CSMD3: variants seen among roughly 807,000 people sequenced by gnomAD.
CSMD3 encodes the protein CUB and sushi domain-containing protein 3.
A neutral mutation model predicts 435.2 loss-of-function variants in CSMD3; 177 were observed. That is an observed-to-expected ratio of 0.41 (90% CI 0.36 to 0.46). The LOEUF (loss-of-function observed/expected upper bound fraction) is 0.46, where lower values mean the gene tolerates loss of function less well. Among genes scored for constraint, CSMD3 ranks in the 20% least tolerant of loss-of-function variants. The pLI is 0.34. For missense variants in CSMD3, 4,265 were observed against 4,504.6 expected (o/e 0.95, Z 1.52); for synonymous variants, 1,656 against 1,520.5 (o/e 1.09, Z -2.07).
chr8:112,379,506 G>C (rs771053585), intron 38 of CSMD3, among the ~76,000 whole-genome samples: 1 of 151,946 alleles, frequency 6.6e-6, no homozygotes, highest in Non-Finnish European at 1.5e-5. Context: ...CTACTAAATA[G>C]TGACGAGAAA....
chr8:112,690,174 C>A (rs1343516935), intron 13 of CSMD3, 124 bp from the exon 14 acceptor site: 4 of 731,978 alleles, frequency 5.5e-6, no homozygotes, highest in East Asian at 2.6e-5. Flanking sequence ...TAAATATATT[C>A]TCCAATCTTT....
chr8:113,408,925 C>A (rs964846447), intron 1 of CSMD3, among the ~76,000 whole-genome samples: 1 of 151,924 alleles, frequency 6.6e-6, no homozygotes, highest in African/African-American at 2.4e-5. Flanking sequence ...TTTGATCTCC[C>A]AAAGTGCTCC....
At chr8:112,898,762 A>G (rs1345472173) in intron 10 of CSMD3, among the ~76,000 whole-genome samples, 5 of 151,238 alleles carry the variant, frequency 3.3e-5, no homozygotes, top group African/African-American at 7.3e-5. Context: ...AAATCACAGT[A>G]TGTTTTATCT....
intron 58 of CSMD3, among the ~76,000 whole-genome samples, chr8:112,285,675 A>G (rs898489288): frequency 1.3e-5 from 2 of 152,032 alleles, no homozygotes; most frequent in African/African-American, 4.8e-5. Flanking sequence ...TTCTAGCAAC[A>G]TTTTATTTAC....
intron 10 of CSMD3, among the ~76,000 whole-genome samples, chr8:112,883,728 G>A (rs1053870646): frequency 1.6e-4 from 24 of 151,822 alleles, no homozygotes; most frequent in South Asian, 1.0e-3. Context: ...TTGGATTTTC[G>A]TCAGTTTTAT....
chr8:112,425,543 G>A (rs897116425), intron 32 of CSMD3, among the ~76,000 whole-genome samples: 3 of 152,052 alleles, frequency 2.0e-5, no homozygotes, highest in Non-Finnish European at 4.4e-5. Flanking sequence ...CATATTTTGA[G>A]GATGAGGAAA....
At chr8:112,881,310 T>C (rs567430300) in intron 10 of CSMD3, among the ~76,000 whole-genome samples, 60 of 152,188 alleles carry the variant, frequency 3.9e-4, no homozygotes, top group African/African-American at 1.3e-3. Flanking sequence ...CTGTTTTTTA[T>C]TTTTAAACGA....
At chr8:112,432,134 C>A (rs967451571) in intron 32 of CSMD3, among the ~76,000 whole-genome samples, 7 of 151,930 alleles carry the variant, frequency 4.6e-5, no homozygotes, top group African/African-American at 4.8e-5. Context: ...AAAGCAACAA[C>A]CCAAAGCAAG....
intron 13 of CSMD3, among the ~76,000 whole-genome samples, chr8:112,751,772 C>G (rs772482003): frequency 2.5e-4 from 38 of 151,904 alleles, no homozygotes; most frequent in Non-Finnish European, 4.7e-4. Flanking sequence ...TTCCCTTTCT[C>G]TACCTACCAA....
At chr8:112,641,956 G>A (rs1028016148) in intron 20 of CSMD3, among the ~76,000 whole-genome samples, 1 of 152,146 alleles carries the variant, frequency 6.6e-6, no homozygotes, top group East Asian at 1.9e-4. Context: ...TTGGAAAGAA[G>A]GGGATTAGAC....
chr8:113,169,432 C>T (rs75823883), intron 4 of CSMD3, among the ~76,000 whole-genome samples: 3 of 152,126 alleles, frequency 2.0e-5, no homozygotes, highest in Admixed American at 1.3e-4. Context: ...TATAGCATCA[C>T]ATCCCCTTAT....
At chr8:112,732,575 A>T (rs2077097227) in intron 13 of CSMD3, among the ~76,000 whole-genome samples, 1 of 151,774 alleles carries the variant, frequency 6.6e-6, no homozygotes, top group African/African-American at 2.4e-5. Flanking sequence ...TACTAAAAAT[A>T]CAAAATATTA....
intron 3 of CSMD3, among the ~76,000 whole-genome samples, chr8:113,203,392 G>C (rs1010428392): frequency 6.6e-6 from 1 of 151,756 alleles, no homozygotes; most frequent in African/African-American, 2.4e-5. Flanking sequence ...CCTCCACCAT[G>C]GACCTCTTGG....
At chr8:112,534,611 A>G (rs1415140081) in intron 27 of CSMD3, among the ~76,000 whole-genome samples, 2 of 152,120 alleles carry the variant, frequency 1.3e-5, no homozygotes, top group Admixed American at 1.3e-4. Context: ...ACAAGGAGGA[A>G]TTGGTACCAT....
intron 13 of CSMD3, among the ~76,000 whole-genome samples, chr8:112,782,498 A>G (rs1372735744): frequency 6.6e-6 from 1 of 152,120 alleles, no homozygotes; most frequent in Non-Finnish European, 1.5e-5. Flanking sequence ...AAGAGGAGGT[A>G]GAGAGAAAGA....
At chr8:113,295,394 A>G (rs1188385596) in intron 2 of CSMD3, among the ~76,000 whole-genome samples, 1 of 152,192 alleles carries the variant, frequency 6.6e-6, no homozygotes, top group Non-Finnish European at 1.5e-5. Flanking sequence ...TATAATATGA[A>G]GGTGAAGAAA....
chr8:112,695,358 C>A (rs1321386824), intron 13 of CSMD3, among the ~76,000 whole-genome samples: 1 of 152,040 alleles, frequency 6.6e-6, no homozygotes, highest in Non-Finnish European at 1.5e-5. Flanking sequence ...ATATTATTTT[C>A]TTTCTCCTTT....
chr8:112,292,443 T>G (rs1819857600), intron 55 of CSMD3, 94 bp downstream of exon 55: 1 of 1,291,008 alleles, frequency 7.7e-7, no homozygotes, highest in Non-Finnish European at 1.1e-6. Flanking sequence ...TAAAAACTTT[T>G]TACTATTCTG....
chr8:112,608,319 C>T (rs1363723227), intron 22 of CSMD3, among the ~76,000 whole-genome samples: 2 of 151,882 alleles, frequency 1.3e-5, no homozygotes, highest in Non-Finnish European at 2.9e-5. Flanking sequence ...AAATTAACAT[C>T]CTGTGTTCAT....
Sources: gnomAD v4.1 joint callset for allele counts (sites outside exome capture counted in the v4.1 genomes callset) on GRCh38, gnomAD v4.1.1 for gene constraint, MANE v1.5 for transcripts, NCBI Gene and HGNC (gene_info 2026-07-23, HGNC 2026-07-21) for gene names.